Variants in CPNE4 observed in about 807,000 individuals in gnomAD.
CPNE4 encodes copine 4, also known as copine-4.
A neutral mutation model predicts 67.9 loss-of-function variants in CPNE4; 25 were observed. The observed-to-expected ratio is 0.37, with a 90% confidence interval of 0.27 to 0.51. CPNE4 has a LOEUF of 0.51. Among genes scored for constraint, CPNE4 ranks in the 20% least tolerant of loss-of-function variants. The pLI is 0.93. For synonymous variants in CPNE4, 242 were observed against 244.9 expected (o/e 0.99, Z 0.11); for missense variants, 464 against 690.8 (o/e 0.67, Z 3.68).
intron 2 of CPNE4, among the ~76,000 whole-genome samples, chr3:131,876,727 A>G (rs2087474790): frequency 6.6e-6 from 1 of 152,006 alleles, no homozygotes; most frequent in African/African-American, 2.4e-5. Context: ...GTTATCACCA[A>G]TTTTGCTAAA....
At chr3:132,023,436 A>G (rs1191905379) in intron 1 of CPNE4, among the ~76,000 whole-genome samples, 1 of 151,696 alleles carries the variant, frequency 6.6e-6, no homozygotes, top group Non-Finnish European at 1.5e-5. Flanking sequence ...TAAAATAAAT[A>G]AAGATTTAAA....
chr3:131,633,390 G>T (rs1272773898), intron 7 of CPNE4, among the ~76,000 whole-genome samples: 3 of 151,896 alleles, frequency 2.0e-5, no homozygotes, highest in African/African-American at 7.3e-5. Context: ...CAAACACACA[G>T]AAATCTTTAT....
chr3:131,677,700 A>G lies in CPNE4; in HGVS notation c.592-7936T>C, dbSNP rs141153062. On this transcript the variant is annotated intron_variant, in intron 6 of 15. Coordinates refer to ENST00000429747, the MANE Select transcript of CPNE4 (RefSeq NM_130808.3). ...TTATTGAATAGGGAGTCCTTTCCCCATTGCTTGTTTTTGTCAGGTTTGTTG... is the reference window on the plus strand; with the variant it reads ...TTATTGAATAGGGAGTCCTTTCCCCGTTGCTTGTTTTTGTCAGGTTTGTTG... Among the ~76,000 whole-genome samples the G allele has an allele frequency of 6.6e-3, 1,004 of 152,136 alleles. 14 individuals carry two copies. Among genetic ancestry groups the G allele is most frequent in the African/African-American group, 0.023 (967 of 41,492 alleles).
chr3:131,696,678 G>T, intron 4 of CPNE4, 62 bp from the exon 5 acceptor site: 2 of 1,479,764 alleles, frequency 1.4e-6, no homozygotes, highest in Non-Finnish European at 1.9e-6. Flanking sequence ...CAGAACCCAT[G>T]AGCAAATTTA....
Position 131,813,815 on chromosome 3 carries a change from G to A in CPNE4, c.181-90190C>T, listed in dbSNP as rs372791494. ...CTTATTTATTCCTGCTGCTGTCACA[G>A]TATTTGAGTCCAAGATCCAATATGC... On this transcript the variant is annotated intron_variant, in intron 2 of 15. Transcript: ENST00000429747. Among the ~76,000 whole-genome samples, 137 of 152,276 alleles carry A rather than the reference G, an allele frequency of 9.0e-4. 2 individuals carry two copies. The South Asian group carries it at 0.028, about 31-fold the overall frequency.
In CPNE4 at chr3:131,700,054, C is replaced by CTTTTTTTTTTTTT. The variant is rs3035263; in HGVS notation, c.361-87_361-75dup. ...TTAACTGTAGATCTATTTTTTAAAC[C>CTTTTTTTTTTTTT]TTTTTTTTTTTTTTTTTTTTTTTAC... On this transcript the variant is annotated intron_variant, in intron 3 of 15. Coordinates refer to ENST00000429747, the MANE Select transcript of CPNE4 (RefSeq NM_130808.3). 2.3e-3 allele frequency: 587 copies of CTTTTTTTTTTTTT among 254,660 alleles called. 8 individuals are homozygous for CTTTTTTTTTTTTT. Among genetic ancestry groups the CTTTTTTTTTTTTT allele is most frequent in the South Asian group, 3.5e-3 (87 of 24,902 alleles). 15.8% of individuals were successfully genotyped at this position (254,660 alleles called of 1,614,324 possible).
chr3:131,780,180 AC>A (rs1454489962), intron 2 of CPNE4, among the ~76,000 whole-genome samples: 5 of 152,242 alleles, frequency 3.3e-5, no homozygotes, highest in African/African-American at 9.6e-5. Flanking sequence ...TCAAAAAATA[AC>A]AGATGCTGGC....
At chr3:132,015,423 A>G (rs1017181626) in intron 1 of CPNE4, among the ~76,000 whole-genome samples, 2 of 152,112 alleles carry the variant, frequency 1.3e-5, no homozygotes, top group African/African-American at 4.8e-5. Flanking sequence ...CTGATAAAAG[A>G]AGGGAAGGAA....
intron 1 of CPNE4, among the ~76,000 whole-genome samples, chr3:131,972,661 C>A (rs1459296848): frequency 6.6e-6 from 1 of 152,086 alleles, no homozygotes. Flanking sequence ...AGGGAGAAGG[C>A]CATATGGTAC....
At chr3:131,794,971 T>A (rs537345860) in intron 2 of CPNE4, among the ~76,000 whole-genome samples, 1 of 152,352 alleles carries the variant, frequency 6.6e-6, no homozygotes, top group South Asian at 2.1e-4. Context: ...ACATTTTTCC[T>A]ATTTCTGCAA....
At chr3:131,707,829 A>G (rs2081452516) in intron 3 of CPNE4, among the ~76,000 whole-genome samples, 1 of 152,170 alleles carries the variant, frequency 6.6e-6, no homozygotes, top group Admixed American at 6.5e-5. Context: ...CACTCTTGCT[A>G]TAGAATGGTA....
At chr3:131,864,247 T>A (rs111405475) in intron 2 of CPNE4, among the ~76,000 whole-genome samples, 1 of 148,582 alleles carries the variant, frequency 6.7e-6, no homozygotes, top group East Asian at 2.0e-4. Context: ...GTGAAGAAAG[T>A]CATTGGTAGC....
intron 1 of CPNE4, among the ~76,000 whole-genome samples, chr3:131,949,549 T>C (rs2071658788): frequency 6.6e-6 from 1 of 152,214 alleles, no homozygotes; most frequent in African/African-American, 2.4e-5. Flanking sequence ...AGGCATTCAT[T>C]TAGTAAACAT....
intron 9 of CPNE4, among the ~76,000 whole-genome samples, chr3:131,576,429 A>T (rs1483078473): frequency 6.6e-6 from 1 of 152,174 alleles, no homozygotes; most frequent in South Asian, 2.1e-4. Context: ...GTGTGTACAC[A>T]GTCACCTTAA....
At chr3:131,951,206 T>C (rs758750852) in intron 1 of CPNE4, among the ~76,000 whole-genome samples, 3 of 152,232 alleles carry the variant, frequency 2.0e-5, no homozygotes, top group Non-Finnish European at 4.4e-5. Flanking sequence ...TGCAAGAATA[T>C]TGTACATTTG....
intron 14 of CPNE4, among the ~76,000 whole-genome samples, chr3:131,548,427 A>T (rs1935992747): frequency 6.6e-6 from 1 of 151,926 alleles, no homozygotes; most frequent in Admixed American, 6.6e-5. Context: ...TGCACCTAAA[A>T]TATTTCAGAT....
intron 2 of CPNE4, among the ~76,000 whole-genome samples, chr3:131,746,269 G>T (rs561052059): frequency 1.3e-5 from 2 of 152,162 alleles, no homozygotes; most frequent in South Asian, 4.1e-4. Flanking sequence ...TCATTTCCCT[G>T]TAATTAGAAC....
intron 2 of CPNE4, among the ~76,000 whole-genome samples, chr3:131,766,296 A>ACATAGTATTGGGCACATAG (rs145336735): frequency 2.0e-5 from 3 of 152,006 alleles, no homozygotes; most frequent in African/African-American, 4.8e-5. Context: ...AAAGTGTTTT[A>ACATAGTATTGGGCACATAG]CAAGTACTCA....
chr3:131,808,686 GA>G (rs1416187775), intron 2 of CPNE4, among the ~76,000 whole-genome samples: 1 of 152,066 alleles, frequency 6.6e-6, no homozygotes, highest in Non-Finnish European at 1.5e-5. Flanking sequence ...GAAAATTAGG[GA>G]AAAAGCAGTA....
Sources: allele counts gnomAD v4.1 joint callset (sites outside exome capture counted in the v4.1 genomes callset), GRCh38; gene constraint gnomAD v4.1.1; transcripts MANE v1.5; gene names NCBI Gene and HGNC (gene_info 2026-07-23, HGNC 2026-07-21).